The following ALMS1 variants were observed in gnomAD, a reference collection of about 807,000 sequenced individuals.
ALMS1 encodes the protein centrosome-associated protein ALMS1.
A neutral mutation model predicts 352.2 loss-of-function variants in ALMS1; 271 were observed. The observed-to-expected ratio is 0.77, with a 90% CI of 0.70 to 0.85. The LOEUF (loss-of-function observed/expected upper bound fraction) is 0.85. Ranked by LOEUF, ALMS1 falls within the 40% of genes least tolerant of loss-of-function variation. ALMS1 has a pLI of 0.00. For synonymous variants in ALMS1, 1,865 were observed against 1,761.2 expected (o/e 1.06, Z -1.48); for missense variants, 5,445 against 4,870.7 (o/e 1.12, Z -3.51).
chr2:73,444,904 T>G (rs147283820), intron 7 of ALMS1, among the ~76,000 whole-genome samples: 1 of 152,242 alleles, frequency 6.6e-6, no homozygotes, highest in African/African-American at 2.4e-5. Flanking sequence ...ATTATAATTA[T>G]TTAGTTATCA....
In ALMS1 at chr2:73,573,336, T is replaced by C; in HGVS notation, c.11459T>C (p.Leu3820Pro). Reference sequence around the variant, plus strand: ...ATCACCAACCAACAGAGGAGATACCTTGAGAAGCGGAGCAAACACAGCAAG... The same window carrying C: ...ATCACCAACCAACAGAGGAGATACCCTGAGAAGCGGAGCAAACACAGCAAG... ...SSITNQQRRY[L>P]EKRSKHSKKV... Residue 3820 changes from leucine (L) to proline (P), a missense_variant, in exon 16 of 23, where the codon CTT becomes CCT. Leu to Pro is a moderately conservative substitution (Grantham distance 98, BLOSUM62 -3). Transcript: ENST00000613296. The C allele has an allele frequency of 6.2e-7, 1 of 1,614,098 alleles. No individual in the cohort carries two copies. Among genetic ancestry groups the C allele is most frequent in the Non-Finnish European group, 8.5e-7 (1 of 1,179,994 alleles).
At chr2:73,508,379 G>T (rs1673380986) in intron 10 of ALMS1, among the ~76,000 whole-genome samples, 1 of 151,526 alleles carries the variant, frequency 6.6e-6, no homozygotes, top group Admixed American at 6.6e-5. Flanking sequence ...ATTTCTTTTT[G>T]TATTTTTAGT....
intron 1 of ALMS1, among the ~76,000 whole-genome samples, chr2:73,396,582 G>A (rs555785916): frequency 2.0e-5 from 3 of 147,306 alleles, no homozygotes; most frequent in South Asian, 2.2e-4. Context: ...GCAGGATGGG[G>A]CATAGTATTT....
chr2:73,395,078 A>ATATATATTTTTT (rs1243905312), intron 1 of ALMS1, among the ~76,000 whole-genome samples: 2 of 101,350 alleles, frequency 2.0e-5, no homozygotes, highest in African/African-American at 9.5e-5. Flanking sequence ...ATATATATAT[A>ATATATATTTTTT]TTTTTTTTTT....
chr2:73,481,603 A>G (rs1352168540), intron 9 of ALMS1, among the ~76,000 whole-genome samples: 4 of 151,056 alleles, frequency 2.6e-5, no homozygotes, highest in Admixed American at 1.3e-4. Flanking sequence ...GTTTTTTCCA[A>G]TTCTGTGAAG....
chr2:73,571,718 C>A (rs899813580), intron 15 of ALMS1, among the ~76,000 whole-genome samples: 14 of 150,492 alleles, frequency 9.3e-5, no homozygotes, highest in Non-Finnish European at 2.1e-4. Context: ...TTTTTTACCA[C>A]AATAAAAAAA....
At chr2:73,401,163 CT>C (rs1441830078) in intron 1 of ALMS1, among the ~76,000 whole-genome samples, 1 of 152,104 alleles carries the variant, frequency 6.6e-6, no homozygotes, top group African/African-American at 2.4e-5. Context: ...TTTTATTGAT[CT>C]TTTCAAAAGA....
At chr2:73,515,412 CCT>C (rs768040249) in intron 10 of ALMS1, among the ~76,000 whole-genome samples, 18 of 151,626 alleles carry the variant, frequency 1.2e-4, no homozygotes, top group Admixed American at 2.0e-4. Flanking sequence ...TCTATTTTTT[CCT>C]CTCAATTTTT....
At chr2:73,543,148 G>T in intron 12 of ALMS1, among the ~76,000 whole-genome samples, 1 of 152,134 alleles carries the variant, frequency 6.6e-6, no homozygotes, top group Non-Finnish European at 1.5e-5. Context: ...AAACAGCATG[G>T]TACTGGTACC....
At chr2:73,411,754 A>G (rs1671082096) in intron 2 of ALMS1, among the ~76,000 whole-genome samples, 1 of 151,812 alleles carries the variant, frequency 6.6e-6, no homozygotes, top group South Asian at 2.1e-4. Context: ...CCTCTCTTTT[A>G]TTGGTTTCTT....
chr2:73,562,484 A>G, intron 15 of ALMS1, among the ~76,000 whole-genome samples: 1 of 152,204 alleles, frequency 6.6e-6, no homozygotes, highest in Admixed American at 6.5e-5. Flanking sequence ...AGAAAATGCT[A>G]AAAGACAGGG....
At position 73,603,467 on chromosome 2, in the gene ALMS1, G is replaced by A. The variant is rs1189222730; in HGVS notation, c.12362+163G>A. The stretch of plus-strand genomic sequence containing the variant: ...ACTTATGGCACTGAAAAAAAAAAAA[G>A]CACATCATGGTATGAATGACTCATA... On this transcript the variant is annotated intron_variant, in intron 21 of 22. Coordinates refer to ENST00000613296, the MANE Select transcript of ALMS1 (RefSeq NM_001378454.1). 17 of 629,938 alleles carry A rather than the reference G, an allele frequency of 2.7e-5. No homozygotes were observed. The Admixed American group carries it at 3.3e-4, about 12-fold the overall frequency. 39.0% of individuals were successfully genotyped at this position (629,938 alleles called of 1,614,324 possible). A position where few individuals can be genotyped will look rare whatever the true frequency, so the allele number is the denominator to read the frequency against.
intron 2 of ALMS1, among the ~76,000 whole-genome samples, chr2:73,410,178 C>G (rs1671048298): frequency 6.6e-6 from 1 of 152,130 alleles, no homozygotes; most frequent in Admixed American, 6.5e-5. Context: ...CACCTGAGGT[C>G]AGGAGTTCAA....
intron 21 of ALMS1, chr2:73,603,914 C>T (rs1417599534): frequency 6.5e-6 from 1 of 152,818 alleles, no homozygotes; most frequent in Admixed American, 6.5e-5. Flanking sequence ...GTATTTAGAC[C>T]ACATCTTTTA....
At chr2:73,465,599 C>T (rs979184076) in intron 9 of ALMS1, among the ~76,000 whole-genome samples, 8 of 152,164 alleles carry the variant, frequency 5.3e-5, no homozygotes, top group Non-Finnish European at 2.9e-5. Flanking sequence ...ATGTCTAAAA[C>T]ACCAAAAGCA....
intron 10 of ALMS1, among the ~76,000 whole-genome samples, chr2:73,498,946 T>C (rs1382518955): frequency 6.6e-6 from 1 of 152,196 alleles, no homozygotes; most frequent in Non-Finnish European, 1.5e-5. Flanking sequence ...TTCCTTTCTT[T>C]TGGGTATATA....
At chr2:73,561,984 A>G (rs1674672707) in intron 15 of ALMS1, among the ~76,000 whole-genome samples, 1 of 151,994 alleles carries the variant, frequency 6.6e-6, no homozygotes, top group South Asian at 2.1e-4. Flanking sequence ...AAATGAAATG[A>G]AAAAAAAGTA....
intron 10 of ALMS1, among the ~76,000 whole-genome samples, chr2:73,519,191 G>A (rs1673620711): frequency 6.6e-6 from 1 of 152,152 alleles, no homozygotes; most frequent in Admixed American, 6.5e-5. Context: ...CAAAGGAGGA[G>A]GGGAAGGTTA....
chr2:73,442,692 A>C (rs909086971), intron 7 of ALMS1, among the ~76,000 whole-genome samples: 5 of 152,224 alleles, frequency 3.3e-5, no homozygotes, highest in African/African-American at 1.2e-4. Context: ...TCAGGTAGTG[A>C]CATAGTAGGA....
Sources: allele counts gnomAD v4.1 joint callset (sites outside exome capture counted in the v4.1 genomes callset), GRCh38; gene constraint gnomAD v4.1.1; transcripts MANE v1.5; gene names NCBI Gene and HGNC (gene_info 2026-07-23, HGNC 2026-07-21).